ADARB2: variants seen among roughly 807,000 people sequenced by gnomAD.
The protein encoded by ADARB2 is inactive double-stranded RNA-specific editase B2.
Under a neutral mutation model 62.2 loss-of-function variants are expected in ADARB2, and 25 were observed. That is an observed-to-expected ratio of 0.40 (90% CI 0.29 to 0.56). The LOEUF (loss-of-function observed/expected upper bound fraction) is 0.56, where lower values mean the gene tolerates loss of function less well. ADARB2 is among the 20% of genes least tolerant of loss of function. ADARB2 has a pLI of 0.43. For synonymous variants in ADARB2, 572 were observed against 500.8 expected (o/e 1.14, Z -1.90); for missense variants, 1,071 against 1,077.4 (o/e 0.99, Z 0.08).
chr10:1,516,477 TGGGCTGCTCTGTGCTATGC>T (rs1018856389), intron 1 of ADARB2, among the ~76,000 whole-genome samples: 3 of 151,892 alleles, frequency 2.0e-5, no homozygotes, highest in Non-Finnish European at 4.4e-5. Context: ...GGGCTTTGTG[TGGGCTGCTCTGTGCTATGC>T]GGGCTGCTCT....
rs536004356 is a variant in ADARB2 at position 1,444,455 on chromosome 10, A to G, written c.101-65295T>C. Among the ~76,000 whole-genome samples, 4 of 141,488 alleles carry G rather than the reference A, an allele frequency of 2.8e-5. No homozygotes were observed. In the East Asian group the frequency reaches 9.0e-4, roughly 32 times the overall value. The allele number at this position is 141,488 out of a possible 152,430, so 92.8% of individuals were successfully genotyped here. On this transcript the variant is annotated intron_variant, in intron 1 of 9. Coordinates refer to ENST00000381312, the MANE Select transcript of ADARB2 (RefSeq NM_018702.4). ...CCACCCATCCATCCATTGATCATCC[A>G]TCTATCTACATTCTCCTTCCATCTA...
At chr10:1,291,349 C>G (rs927812301) in intron 3 of ADARB2, 1 of 152,216 alleles carries the variant, frequency 6.6e-6, no homozygotes, top group African/African-American at 2.4e-5. Context: ...TGAAAATTGC[C>G]AAGTTGTTCC....
At chr10:1,573,271 G>A (rs1832964864) in intron 1 of ADARB2, among the ~76,000 whole-genome samples, 2 of 152,210 alleles carry the variant, frequency 1.3e-5, no homozygotes, top group South Asian at 2.1e-4. Flanking sequence ...CAGCTTGGAT[G>A]AGCCCCGGTG....
rs2131770637 is a variant in ADARB2 at position 1,233,815 on chromosome 10, T to C, written c.1392A>G (p.Ile464Met). 3 of 1,614,010 alleles carry C rather than the reference T, an allele frequency of 1.9e-6. No homozygotes were observed. Among genetic ancestry groups the C allele is most frequent in the East Asian group, 4.5e-5 (2 of 44,866 alleles). Reference sequence around the variant, plus strand: ...AGCCACCTTCTTTTAACCGCACGAATATCGATCGCTCTGAGTCCTCGCGCC... The same window carrying C: ...AGCCACCTTCTTTTAACCGCACGAACATCGATCGCTCTGAGTCCTCGCGCC... ...SKRREDSERSIFVRLKEGGYR... is the reference protein window; with the variant it reads ...SKRREDSERSMFVRLKEGGYR... The change falls in exon 6 of 10, where the codon ATA becomes ATG. Residue 464 changes from isoleucine to methionine, a missense_variant. Coordinates refer to ENST00000381312, the MANE Select transcript of ADARB2 (RefSeq NM_018702.4).
chr10:1,268,462 A>G (rs4880494), intron 4 of ADARB2, among the ~76,000 whole-genome samples: 55,611 of 152,060 alleles, frequency 0.37, 10,402 homozygotes, highest in South Asian at 0.53. Context: ...ATAAATGTGA[A>G]TGAGTTGGCA....
At chr10:1,234,616 CT>C (rs1388511632) in intron 5 of ADARB2, among the ~76,000 whole-genome samples, 1 of 149,842 alleles carries the variant, frequency 6.7e-6, no homozygotes, top group Non-Finnish European at 1.5e-5. Context: ...AATTTATTTA[CT>C]TTTTTTTAGA....
chr10:1,444,865 A>G (rs1318073369), intron 1 of ADARB2, among the ~76,000 whole-genome samples: 4 of 132,722 alleles, frequency 3.0e-5, no homozygotes, highest in Non-Finnish European at 6.3e-5. Flanking sequence ...ATCCATCTAC[A>G]TCCATCCATC....
intron 1 of ADARB2, among the ~76,000 whole-genome samples, chr10:1,387,856 G>A (rs1832537921): frequency 6.6e-6 from 1 of 151,964 alleles, no homozygotes; most frequent in Non-Finnish European, 1.5e-5. Context: ...CAAGATATTA[G>A]CAAATCAAGT....
At chr10:1,612,208 A>T (rs1397501920) in intron 1 of ADARB2, among the ~76,000 whole-genome samples, 2 of 152,132 alleles carry the variant, frequency 1.3e-5, no homozygotes, top group African/African-American at 2.4e-5. Flanking sequence ...TCTTTTTCTG[A>T]GTTGTGAGGA....
At chr10:1,414,923 TA>T (rs1832789379) in intron 1 of ADARB2, among the ~76,000 whole-genome samples, 1 of 152,048 alleles carries the variant, frequency 6.6e-6, no homozygotes, top group African/African-American at 2.4e-5. Flanking sequence ...AATGAATGGA[TA>T]GATAGGTGGA....
intron 3 of ADARB2, among the ~76,000 whole-genome samples, chr10:1,303,825 G>C (rs1415258406): frequency 1.3e-5 from 2 of 151,632 alleles, no homozygotes; most frequent in African/African-American, 4.8e-5. Flanking sequence ...AGCAAATGCT[G>C]AGAGATTTTG....
intron 4 of ADARB2, among the ~76,000 whole-genome samples, chr10:1,259,265 C>G (rs924391927): frequency 6.6e-6 from 1 of 152,138 alleles, no homozygotes; most frequent in African/African-American, 2.4e-5. Flanking sequence ...CAAACACATT[C>G]AAAAGCTAGC....
chr10:1,617,134 G>A (rs1285809706), intron 1 of ADARB2, among the ~76,000 whole-genome samples: 31 of 129,536 alleles, frequency 2.4e-4, no homozygotes, highest in African/African-American at 3.5e-4. Context: ...ACTCTGCACT[G>A]CCCTGCTGAG....
intron 6 of ADARB2, among the ~76,000 whole-genome samples, chr10:1,227,613 A>G (rs534918149): frequency 6.6e-6 from 1 of 152,290 alleles, no homozygotes; most frequent in East Asian, 1.9e-4. Flanking sequence ...TGAATCTTTT[A>G]TTTTTAGGGG....
intron 3 of ADARB2, among the ~76,000 whole-genome samples, chr10:1,335,625 T>A (rs1354074838): frequency 2.0e-5 from 3 of 152,188 alleles, no homozygotes; most frequent in African/African-American, 7.2e-5. Flanking sequence ...TGCAAGCCAC[T>A]GGTTGGGCTA....
At chr10:1,661,355 A>G (rs184109644) in intron 1 of ADARB2, among the ~76,000 whole-genome samples, 1 of 152,248 alleles carries the variant, frequency 6.6e-6, no homozygotes, top group East Asian at 1.9e-4. Context: ...TGAGTCACAG[A>G]TGGCCTATGT....
Position 1,363,812 on chromosome 10 carries a change from C to T in ADARB2, c.293G>A (p.Arg98Lys). 6.3e-7 allele frequency: 1 copy of T among 1,591,570 alleles called. No homozygotes were observed. Among genetic ancestry groups the T allele is most frequent in the African/African-American group, 1.3e-5 (1 of 74,478 alleles). ...RARGGAPGAK[R>K]KRPLEEGNGG... ...ATTCCCCTCCTCCAGCGGCCGCTTC[C>T]TCTTCGCGCCGGGCGCGCCGCCCCG... Residue 98 changes from arginine to lysine, a missense_variant, in exon 3 of 10, where the codon AGG becomes AAG. Transcript: ENST00000381312.
intron 1 of ADARB2, chr10:1,394,957 G>T (rs1402981630): frequency 4.4e-6 from 2 of 454,284 alleles, no homozygotes; most frequent in Non-Finnish European, 8.8e-6. Flanking sequence ...ATCTTGCTCT[G>T]TCCCCAGGCT....
At chr10:1,719,306 C>A (rs1446050292) in intron 1 of ADARB2, among the ~76,000 whole-genome samples, 2 of 152,170 alleles carry the variant, frequency 1.3e-5, no homozygotes, top group African/African-American at 4.8e-5. Context: ...CAGTCTCACA[C>A]ACTCCTCTAT....
Sources: allele counts gnomAD v4.1 joint callset (sites outside exome capture counted in the v4.1 genomes callset), GRCh38; gene constraint gnomAD v4.1.1; transcripts MANE v1.5; gene names NCBI Gene and HGNC (gene_info 2026-07-23, HGNC 2026-07-21).